The following PRCD variants were observed in gnomAD, a reference collection of about 807,000 sequenced individuals.
The protein encoded by PRCD is photoreceptor disk component PRCD.
Under a neutral mutation model 10.1 loss-of-function variants are expected in PRCD, and 12 were observed. The observed-to-expected ratio is 1.18, with a 90% CI of 0.76 to 1.92. The LOEUF is 1.92. PRCD is among the 40% of genes most tolerant of loss of function. The pLI is 0.00. For missense variants in PRCD, 61 were observed against 72.2 expected (o/e 0.84, Z 0.56); for synonymous variants, 31 against 26.2 (o/e 1.18, Z -0.56).
Position 76,530,309 on chromosome 17 carries a change from C to T in PRCD, n.45+2476C>T, listed in dbSNP as rs1264803743. On this transcript the variant is annotated intron_variant and non_coding_transcript_variant, in intron 1 of 4. Transcript: ENST00000397633. The surrounding 1 kb of genome is among the most constrained non-coding windows in gnomAD (Gnocchi z 6.1). The stretch of plus-strand genomic sequence containing the variant: ...CAACCGCCACATCTGGGGGCTAGCC[C>T]TCCCCTCACGCTCCGAGTCAGCAGG... Among the ~76,000 whole-genome samples the T allele has an allele frequency of 6.6e-6, 1 of 152,064 alleles. No homozygotes were observed. Among genetic ancestry groups the T allele is most frequent in the Non-Finnish European group, 1.5e-5 (1 of 67,990 alleles).
At position 76,531,565 on chromosome 17, in the gene PRCD, G is replaced by C; in HGVS notation, n.45+3732G>C. On this transcript the variant is annotated intron_variant and non_coding_transcript_variant, in intron 1 of 4. Coordinates refer to the PRCD transcript ENST00000397633. This position sits in a 1 kb window ranked among gnomAD's most constrained non-coding sequence, Gnocchi z 7.4. ...GGTCATGCAGGTTCTCCACGACAGT[G>C]TTGAGGGCCCCCATGACTCGGCAGG... 1 of 1,614,140 alleles carries C rather than the reference G, an allele frequency of 6.2e-7. No homozygotes were observed. Among genetic ancestry groups the C allele is most frequent in the Non-Finnish European group, 8.5e-7 (1 of 1,179,950 alleles).
At chr17:76,545,794 C>A, downstream of PRCD, 1 of 209,448 alleles carries the variant, frequency 4.8e-6, no homozygotes, top group Non-Finnish European at 9.8e-6. Flanking sequence ...TGGCACAATC[C>A]GGTTTGAACT....
In PRCD at chr17:76,531,520, C is replaced by T. The variant is rs770994282; in HGVS notation, n.45+3687C>T. The T allele has an allele frequency of 6.2e-7, 1 of 1,614,078 alleles. No individual in the cohort carries two copies. The highest frequency in any genetic ancestry group is 1.1e-5 in the South Asian group (1 of 91,090). On this transcript the variant is annotated intron_variant and non_coding_transcript_variant, in intron 1 of 4. Coordinates refer to the PRCD transcript ENST00000397633. The surrounding 1 kb of genome is among the most constrained non-coding windows in gnomAD (Gnocchi z 7.4). ...CGTGGGCTTTCCCCACAAGGGCGAG[C>T]ACAGAGGACACCTTGTCGGGGTCAT...
chr17:76,536,311 A>C (rs532213139), upstream of PRCD, among the ~76,000 whole-genome samples: 3 of 152,192 alleles, frequency 2.0e-5, no homozygotes, highest in East Asian at 1.9e-4. Flanking sequence ...CAGGGAGAAG[A>C]AGCTGGAGAT....
In PRCD at chr17:76,530,068, G is replaced by T; in HGVS notation, n.45+2235G>T. ...GTCTTGGGGGCCCGTGCAGAGCCCG[G>T]CGGGAGACGCCGCCTTTTCCATGGG... On this transcript the variant is annotated intron_variant and non_coding_transcript_variant, in intron 1 of 4. Coordinates refer to the PRCD transcript ENST00000397633. This position sits in a 1 kb window ranked among gnomAD's most constrained non-coding sequence, Gnocchi z 6.1. 1 of 985,336 alleles carries T rather than the reference G, an allele frequency of 1.0e-6. No homozygotes were observed. The highest frequency in any genetic ancestry group is 1.2e-6 in the Non-Finnish European group (1 of 829,872). 61.0% of individuals were successfully genotyped at this position (985,336 alleles called of 1,614,324 possible).
chr17:76,548,269 T>C (rs1319915085), downstream of PRCD, among the ~76,000 whole-genome samples: 2 of 151,918 alleles, frequency 1.3e-5, no homozygotes. Context: ...CAGATACACA[T>C]AAACATACAT....
At chr17:76,548,508 C>A (rs9897251), downstream of PRCD, among the ~76,000 whole-genome samples, 148,476 of 152,336 alleles carry the variant, frequency 0.97, 72,480 homozygotes, top group Middle Eastern at 1. Flanking sequence ...GCCCCAGCCT[C>A]GGTGGCCTAG....
chr17:76,532,279 G>C (rs888978863), intron 1 of PRCD, among the ~76,000 whole-genome samples: 20 of 152,162 alleles, frequency 1.3e-4, no homozygotes, highest in Admixed American at 9.8e-4. Context: ...TGGCTCAGCG[G>C]CTTTACTTAC....
upstream of PRCD, among the ~76,000 whole-genome samples, chr17:76,539,354 T>C (rs1195890108): frequency 1.3e-5 from 2 of 152,228 alleles, no homozygotes; most frequent in Non-Finnish European, 2.9e-5. Context: ...TCGTATGGTG[T>C]AGGAATGAAT....
intron 1 of PRCD, among the ~76,000 whole-genome samples, chr17:76,534,099 T>TTTCTTTC (rs149633499): frequency 5.3e-5 from 4 of 76,140 alleles, no homozygotes; most frequent in East Asian, 3.3e-4. Context: ...CCTTTTTTCT[T>TTTCTTTC]TTTCTTTCTT....
downstream of PRCD, among the ~76,000 whole-genome samples, chr17:76,548,090 AACAG>A (rs1226823657): frequency 6.6e-6 from 1 of 152,034 alleles, no homozygotes; most frequent in African/African-American, 2.4e-5. Flanking sequence ...ACACAAATAA[AACAG>A]ACACACAGAA....
chr17:76,530,347 C>G lies in PRCD; in HGVS notation n.45+2514C>G, dbSNP rs191363547. 6.6e-6 allele frequency among the ~76,000 whole-genome samples: 1 copy of G among 152,186 alleles called. No individual in the cohort carries two copies. The highest frequency in any genetic ancestry group is 1.5e-5 in the Non-Finnish European group (1 of 68,002). On this transcript the variant is annotated intron_variant and non_coding_transcript_variant, in intron 1 of 4. Transcript: ENST00000397633. The surrounding 1 kb of genome is among the most constrained non-coding windows in gnomAD (Gnocchi z 6.1). ...CCGAGTCAGCAGGAGTCACAGAGGG[C>G]GGCCACCCTCCTTGAGCCACCTCCT... is the stretch of plus-strand genomic sequence containing the variant.
At position 76,543,080 on chromosome 17, in the gene PRCD, C is replaced by T; in HGVS notation, c.*111C>T. 2.1e-6 allele frequency: 1 copy of T among 471,624 alleles called. No individual in the cohort carries two copies. 29.2% of individuals were successfully genotyped at this position (471,624 alleles called of 1,614,324 possible). On this transcript the variant is annotated 3_prime_UTR_variant, in exon 4 of 5. Coordinates refer to ENST00000592014, the MANE Select transcript of PRCD (RefSeq NM_001077620.3). ...CAGGAGGATGCTGTGGGAGCTGCAG[C>T]AGCGGCAAGAGGGAGAATGGGGGGA...
intron 1 of PRCD, among the ~76,000 whole-genome samples, chr17:76,534,162 C>CTCTCTG (rs2074887237): frequency 6.7e-6 from 1 of 148,384 alleles, no homozygotes; most frequent in East Asian, 1.9e-4. Flanking sequence ...CTCTCTCTCT[C>CTCTCTG]TCTCTCTCTC....
At chr17:76,529,048 C>G (rs1255478862) in intron 1 of PRCD, 1 of 431,202 alleles carries the variant, frequency 2.3e-6, no homozygotes, top group East Asian at 1.9e-4. Context: ...CATTGCGCCC[C>G]CCCCCCACCC....
upstream of PRCD, among the ~76,000 whole-genome samples, chr17:76,536,815 C>G (rs1167875803): frequency 6.6e-6 from 1 of 152,208 alleles, no homozygotes; most frequent in Non-Finnish European, 1.5e-5. Context: ...CTCCACTCAC[C>G]TGTGCCTGCC....
rs2074842505 is a variant in PRCD at position 76,531,456 on chromosome 17, A to G, written n.45+3623A>G. 1.2e-6 allele frequency: 2 copies of G among 1,601,098 alleles called. No homozygotes were observed. Among genetic ancestry groups the G allele is most frequent in the African/African-American group, 1.3e-5 (1 of 74,710 alleles). ...GGGGCTCTGCAGCAGATGGGGGCGC[A>G]TACCTTGAAGTACACCGGTTCCACC... On this transcript the variant is annotated intron_variant and non_coding_transcript_variant, in intron 1 of 4. Transcript: ENST00000397633. The surrounding 1 kb of genome is among the most constrained non-coding windows in gnomAD (Gnocchi z 7.4).
chr17:76,551,576 A>G (rs2075109532), intron 1 of PRCD: 1 of 150,950 alleles, frequency 6.6e-6, no homozygotes, highest in African/African-American at 2.5e-5. Flanking sequence ...AGGTTTTTAA[A>G]TTTTTATATT....
At chr17:76,534,140 TTCTCTTTCTC>T (rs2074885283) in intron 1 of PRCD, among the ~76,000 whole-genome samples, 4 of 102,320 alleles carry the variant, frequency 3.9e-5, no homozygotes, top group African/African-American at 1.3e-4. Context: ...CTCTCTCTCT[TTCTCTTTCTC>T]TCTCTCTCTC....
Sources: allele counts gnomAD v4.1 joint callset (sites outside exome capture counted in the v4.1 genomes callset), GRCh38; gene constraint gnomAD v4.1.1; non-coding constraint Gnocchi (gnomAD v3.1); transcripts MANE v1.5; gene names NCBI Gene and HGNC (gene_info 2026-07-23, HGNC 2026-07-21).